Variants in GPR132 observed in about 807,000 individuals in gnomAD.
GPR132 encodes G protein-coupled receptor 132.
Under a neutral mutation model 1.9 loss-of-function variants are expected in GPR132, and 4 were observed. The ratio of observed to expected loss-of-function variants is 2.13; its 90% CI spans 1.05 to 4.87. The LOEUF (loss-of-function observed/expected upper bound fraction) is 4.87. Among genes scored for constraint, GPR132 ranks in the 30% most tolerant of loss-of-function variants. GPR132 has a pLI of 0.01. For synonymous variants in GPR132, 233 were observed against 234.2 expected (o/e 0.99, Z 0.05); for missense variants, 404 against 512.5 (o/e 0.79, Z 2.04).
chr14:105,062,828 C>T (rs1886984028), intron 1 of GPR132, among the ~76,000 whole-genome samples: 2 of 152,012 alleles, frequency 1.3e-5, no homozygotes, highest in Admixed American at 6.6e-5. Context: ...GTGTGAGCCA[C>T]TACGCCCAGC....
chr14:105,054,204 A>G lies in GPR132; in HGVS notation c.34+1183T>C, dbSNP rs1303797946. On this transcript the variant is annotated intron_variant, in intron 3 of 3. Coordinates refer to ENST00000329797, the MANE Select transcript of GPR132 (RefSeq NM_013345.4). ...AGAGCGTTGCCAAACTTATTGGGCC[A>G]CAGCAGCCCCGGGCGGGGCAAACTT... The G allele has an allele frequency of 2.5e-6, 3 of 1,223,548 alleles. No homozygotes were observed. The East Asian group carries it at 1.9e-4, about 78-fold the overall frequency. The allele number at this position is 1,223,548 out of a possible 1,614,324, so 75.8% of individuals were successfully genotyped here.
rs1057199079 is a variant in GPR132 at position 105,050,960 on chromosome 14, C to T, written c.*34G>A. ...GGAACCACATTGCTGGCCCCAGGACCCCCAACCTGCCATCCCCCTGCCACA... is the reference window on the plus strand; with the variant it reads ...GGAACCACATTGCTGGCCCCAGGACTCCCAACCTGCCATCCCCCTGCCACA... On this transcript the variant is annotated 3_prime_UTR_variant, in exon 4 of 4. Transcript: ENST00000329797. This position sits in a 1 kb window ranked among gnomAD's most constrained non-coding sequence, Gnocchi z 4.0. The T allele has an allele frequency of 1.4e-5, 23 of 1,592,978 alleles. No homozygotes were observed. The highest frequency in any genetic ancestry group is 6.7e-5 in the African/African-American group (5 of 74,556).
chr14:105,054,461 C>T, intron 3 of GPR132: 1 of 922,790 alleles, frequency 1.1e-6, no homozygotes, highest in Non-Finnish European at 1.3e-6. Context: ...TCTCAAAAAA[C>T]TGTGTTGATG....
At position 105,056,831 on chromosome 14, in the gene GPR132, C is replaced by T. The variant is rs1051479689; in HGVS notation, c.-747+336G>A. On this transcript the variant is annotated intron_variant, in intron 2 of 3. Coordinates refer to ENST00000329797, the MANE Select transcript of GPR132 (RefSeq NM_013345.4). The surrounding 1 kb of genome is among the most constrained non-coding windows in gnomAD (Gnocchi z 6.0). ...AACGGCACCAGGAGACGCATGGATG[C>T]GGGGGGCTGGTGGTCAGCTCCTCAT... is the stretch of plus-strand genomic sequence containing the variant. 6.6e-5 allele frequency among the ~76,000 whole-genome samples: 10 copies of T among 152,212 alleles called. No homozygotes were observed. The highest frequency in any genetic ancestry group is 2.1e-4 in the South Asian group (1 of 4,834).
chr14:105,062,312 A>G (rs1886965075), intron 1 of GPR132, among the ~76,000 whole-genome samples: 2 of 152,060 alleles, frequency 1.3e-5, no homozygotes, highest in South Asian at 4.2e-4. Flanking sequence ...GTCCCTGTCC[A>G]GCTCCATCTT....
At chr14:105,061,944 G>T (rs542656271) in intron 1 of GPR132, among the ~76,000 whole-genome samples, 20 of 152,330 alleles carry the variant, frequency 1.3e-4, no homozygotes, top group Admixed American at 1.2e-3. Context: ...CTTGGGTAGG[G>T]GATAGCCCAC....
rs780142285 is a variant in GPR132 at position 105,051,699 on chromosome 14, G to A, written c.438C>T (p.Tyr146=). Residue 146 remains tyrosine (Y), a synonymous_variant, in exon 4 of 4, where the codon TAC becomes TAT. Coordinates refer to ENST00000329797, the MANE Select transcript of GPR132 (RefSeq NM_013345.4). The surrounding 1 kb of genome is among the most constrained non-coding windows in gnomAD (Gnocchi z 8.0). ...ISCDRFVAVV[Y]ALESRGRRRR... is the part of the protein sequence containing the mutation. ...GGCGGCGGCCCCGACTCTCCAGCGCGTACACCACGGCCACGAAGCGGTCGC... is the reference window on the plus strand; with the variant it reads ...GGCGGCGGCCCCGACTCTCCAGCGCATACACCACGGCCACGAAGCGGTCGC... 9.9e-6 allele frequency: 16 copies of A among 1,614,000 alleles called. No individual in the cohort carries two copies. The highest frequency in any genetic ancestry group is 1.7e-5 in the Admixed American group (1 of 60,026).
At position 105,051,040 on chromosome 14, in the gene GPR132, G is replaced by C. The variant is rs778506872; in HGVS notation, c.1097C>G (p.Pro366Arg). Residue 366 changes from proline to arginine, a missense_variant, in exon 4 of 4, where the codon CCA becomes CGA. Transcript: ENST00000329797. The surrounding 1 kb of genome is among the most constrained non-coding windows in gnomAD (Gnocchi z 8.0). ...HYTFSRPVHPPGSPCPAKRLI... is the reference protein window; with the variant it reads ...HYTFSRPVHPRGSPCPAKRLI... ...CCTCTTTGCAGGGCATGGTGACCCTGGTGGGTGCACGGGCCTGGAGAAGGT... is the reference window on the plus strand; with the variant it reads ...CCTCTTTGCAGGGCATGGTGACCCTCGTGGGTGCACGGGCCTGGAGAAGGT... 5.0e-6 allele frequency: 8 copies of C among 1,613,962 alleles called. No individual in the cohort carries two copies. The East Asian group carries it at 1.1e-4, about 22-fold the overall frequency.
Position 105,060,975 on chromosome 14 carries a change from G to A in GPR132, c.-860-3695C>T, listed in dbSNP as rs993058733. ...GCAGAGACTAGCCAGGGGCAGAGCC[G>A]GAGCCACCTTCCCATCCAGCTGGTC... On this transcript the variant is annotated intron_variant, in intron 1 of 3. Coordinates refer to ENST00000329797, the MANE Select transcript of GPR132 (RefSeq NM_013345.4). This position sits in a 1 kb window ranked among gnomAD's most constrained non-coding sequence, Gnocchi z 6.3. 1.3e-5 allele frequency among the ~76,000 whole-genome samples: 2 copies of A among 152,272 alleles called. No individual in the cohort carries two copies. The highest frequency in any genetic ancestry group is 2.4e-5 in the African/African-American group (1 of 41,472).
At chr14:105,054,424 T>C (rs1566733932) in intron 3 of GPR132, 13 of 928,706 alleles carry the variant, frequency 1.4e-5, no homozygotes, top group Non-Finnish European at 1.5e-5. Context: ...GCTCTTTTTT[T>C]TTCTTTTTTT....
Position 105,055,046 on chromosome 14 carries a change from T to C in GPR132, c.34+341A>G, listed in dbSNP as rs1282480456. The stretch of plus-strand genomic sequence containing the variant: ...CTCAAAAAAAAAAAAAAAAAAAAAA[T>C]TCGGCCCCATGGGCCGTTCATTCCT... On this transcript the variant is annotated intron_variant, in intron 3 of 3. Transcript: ENST00000329797. This position sits in a 1 kb window ranked among gnomAD's most constrained non-coding sequence, Gnocchi z 4.7. Among the ~76,000 whole-genome samples, 1 of 134,788 alleles carries C rather than the reference T, an allele frequency of 7.4e-6. No individual in the cohort carries two copies. The highest frequency in any genetic ancestry group is 2.2e-4 in the East Asian group (1 of 4,464). 88.4% of individuals were successfully genotyped at this position (134,788 alleles called of 152,430 possible).
rs913822362 is a variant in GPR132 at position 105,060,739 on chromosome 14, A to G, written c.-860-3459T>C. ...CCAAGGGTTCTGGAAACCCTCCCAA[A>G]CCTGGGAGGATGAACTCTTGCTGGT... On this transcript the variant is annotated intron_variant, in intron 1 of 3. Transcript: ENST00000329797. The surrounding 1 kb of genome is among the most constrained non-coding windows in gnomAD (Gnocchi z 6.3). Among the ~76,000 whole-genome samples, 1 of 152,094 alleles carries G rather than the reference A, an allele frequency of 6.6e-6. No individual in the cohort carries two copies. Among genetic ancestry groups the G allele is most frequent in the African/African-American group, 2.4e-5 (1 of 41,410 alleles).
rs752075549 is a variant in GPR132 at position 105,050,991 on chromosome 14, G to A, written c.*3C>T. 1.0e-5 allele frequency: 16 copies of A among 1,605,938 alleles called. No individual in the cohort carries two copies. In the South Asian group the frequency reaches 1.6e-4, roughly 17 times the overall value. On this transcript the variant is annotated 3_prime_UTR_variant, in exon 4 of 4. Coordinates refer to ENST00000329797, the MANE Select transcript of GPR132 (RefSeq NM_013345.4). This position sits in a 1 kb window ranked among gnomAD's most constrained non-coding sequence, Gnocchi z 4.0. The stretch of plus-strand genomic sequence containing the variant: ...CCTGCCATCCCCCTGCCACACAGTG[G>A]GCTCAGCAGGACTCCTCAATCAGCC...
rs867027368 is a variant in GPR132, at chr14:105,055,053, C to A, written c.34+334G>T. Among the ~76,000 whole-genome samples, 1 of 150,462 alleles carries A rather than the reference C, an allele frequency of 6.6e-6. No individual in the cohort carries two copies. The highest frequency in any genetic ancestry group is 2.1e-4 in the South Asian group (1 of 4,764). On this transcript the variant is annotated intron_variant, in intron 3 of 3. Coordinates refer to ENST00000329797, the MANE Select transcript of GPR132 (RefSeq NM_013345.4). This position sits in a 1 kb window ranked among gnomAD's most constrained non-coding sequence, Gnocchi z 4.7. Reference sequence around the variant, plus strand: ...AAAAAAAAAAAAAAAAAATTCGGCCCCATGGGCCGTTCATTCCTTCAATCC... The same window carrying A: ...AAAAAAAAAAAAAAAAAATTCGGCCACATGGGCCGTTCATTCCTTCAATCC...
intron 3 of GPR132, chr14:105,054,252 CA>C: frequency 4.3e-6 from 5 of 1,170,438 alleles, no homozygotes; most frequent in Non-Finnish European, 5.4e-6. Context: ...GGCGCGAGGT[CA>C]GGGGTCCCTG....
rs910468763 is a variant in GPR132 at position 105,055,716 on chromosome 14, G to A, written c.-296C>T. The A allele has an allele frequency of 8.3e-5, 40 of 481,946 alleles. No homozygotes were observed. Among genetic ancestry groups the A allele is most frequent in the African/African-American group, 7.5e-4 (39 of 52,294 alleles). The allele number at this position is 481,946 out of a possible 1,614,324, so 29.9% of individuals were successfully genotyped here. On this transcript the variant is annotated 5_prime_UTR_variant, in exon 3 of 4. Coordinates refer to ENST00000329797, the MANE Select transcript of GPR132 (RefSeq NM_013345.4). The surrounding 1 kb of genome is among the most constrained non-coding windows in gnomAD (Gnocchi z 4.7). ...TTCCCTTCCTTTCAAAGGCGGGATG[G>A]TATTCCATTGTATTCAGTGTGTCCT...
rs531423939 is a variant in GPR132, at chr14:105,059,620, G to C, written c.-860-2340C>G. On this transcript the variant is annotated intron_variant, in intron 1 of 3. Coordinates refer to ENST00000329797, the MANE Select transcript of GPR132 (RefSeq NM_013345.4). The surrounding 1 kb of genome is among the most constrained non-coding windows in gnomAD (Gnocchi z 4.2). The stretch of plus-strand genomic sequence containing the variant: ...GGTTGGGAAGCCCCCTCCCTGCTTC[G>C]AGTTGTCCCCACCTTTCTGGACGGA... 4.0e-5 allele frequency among the ~76,000 whole-genome samples: 6 copies of C among 151,706 alleles called. No homozygotes were observed. The highest frequency in any genetic ancestry group is 6.6e-5 in the Admixed American group (1 of 15,220).
chr14:105,058,893 C>T (rs1419269545), intron 1 of GPR132, among the ~76,000 whole-genome samples: 1 of 152,252 alleles, frequency 6.6e-6, no homozygotes, highest in Non-Finnish European at 1.5e-5. Flanking sequence ...TAAACCCATC[C>T]TCAGATGGTG....
chr14:105,059,275 C>A lies in GPR132; in HGVS notation c.-860-1995G>T, dbSNP rs568092362. On this transcript the variant is annotated intron_variant, in intron 1 of 3. Coordinates refer to ENST00000329797, the MANE Select transcript of GPR132 (RefSeq NM_013345.4). The surrounding 1 kb of genome is among the most constrained non-coding windows in gnomAD (Gnocchi z 4.2). The stretch of plus-strand genomic sequence containing the variant: ...TCCCGCCCATCCCACGTGGCTCTTG[C>A]AGGAATTCTCTGGAAGCTGCTCAAA... 5.0e-4 allele frequency among the ~76,000 whole-genome samples: 76 copies of A among 152,226 alleles called. No homozygotes were observed. The highest frequency in any genetic ancestry group is 9.0e-4 in the Non-Finnish European group (61 of 68,026).
Sources: gnomAD v4.1 joint callset for allele counts (sites outside exome capture counted in the v4.1 genomes callset) on GRCh38, gnomAD v4.1.1 for gene constraint, Gnocchi (gnomAD v3.1) non-coding constraint, MANE v1.5 for transcripts, NCBI Gene and HGNC (gene_info 2026-07-23, HGNC 2026-07-21) for gene names.